P4HA1: variants seen among roughly 807,000 people sequenced by gnomAD.
P4HA1 encodes prolyl 4-hydroxylase subunit alpha-1.
In P4HA1, 24 loss-of-function variants were observed where a neutral mutation model predicts 72.8. The observed-to-expected ratio is 0.33, with a 90% CI of 0.24 to 0.46. The LOEUF (loss-of-function observed/expected upper bound fraction) is 0.46, where lower values mean the gene tolerates loss of function less well. Ranked by LOEUF, P4HA1 falls within the 20% of genes least tolerant of loss-of-function variation. P4HA1 has a pLI of 1.00. For synonymous variants in P4HA1, 201 were observed against 218.8 expected, an observed-to-expected ratio of 0.92 and a Z score of 0.72; for missense variants, 446 against 640.6, an observed-to-expected ratio of 0.70 and a Z score of 3.28.
At chr10:73,045,161 A>G in intron 8 of P4HA1, 110 bp from the exon 9 acceptor site, 3 of 800,042 alleles carry the variant, frequency 3.7e-6, no homozygotes, top group Non-Finnish European at 6.2e-6. Flanking sequence ...AAAAGAGAAA[A>G]TAACTCCATA....
intron 5 of P4HA1, among the ~76,000 whole-genome samples, chr10:73,067,082 G>A (rs1445852658): frequency 1.3e-5 from 2 of 152,020 alleles, no homozygotes; most frequent in East Asian, 1.9e-4. Flanking sequence ...TGCCCAGGCT[G>A]GTCTTGAACT....
At chr10:73,070,045 A>G (rs1841517302) in intron 4 of P4HA1, among the ~76,000 whole-genome samples, 2 of 151,368 alleles carry the variant, frequency 1.3e-5, no homozygotes, top group African/African-American at 4.9e-5. Context: ...CCTGGTCTCA[A>G]ACGATCCACC....
intron 1 of P4HA1, among the ~76,000 whole-genome samples, chr10:73,088,988 T>C (rs1042841207): frequency 2.6e-5 from 4 of 152,250 alleles, no homozygotes; most frequent in Non-Finnish European, 5.9e-5. Context: ...TGGTTTTCCA[T>C]ATTAATTTTA....
At chr10:73,077,454 A>T (rs1841725093) in intron 1 of P4HA1, among the ~76,000 whole-genome samples, 1 of 152,256 alleles carries the variant, frequency 6.6e-6, no homozygotes, top group Non-Finnish European at 1.5e-5. Context: ...ATAACTAAAA[A>T]GCAGCTTAAG....
intron 1 of P4HA1, among the ~76,000 whole-genome samples, chr10:73,090,178 C>A (rs1247714091): frequency 6.6e-6 from 1 of 151,464 alleles, no homozygotes; most frequent in Non-Finnish European, 1.5e-5. Flanking sequence ...GGTCACCAGG[C>A]TGGAGTACAG....
chr10:73,053,645 T>C, intron 5 of P4HA1, 55 bp from the exon 6 acceptor site: 5 of 1,479,232 alleles, frequency 3.4e-6, no homozygotes, highest in Non-Finnish European at 4.6e-6. Flanking sequence ...TGTGTATTTA[T>C]TTAGGACTAC....
chr10:73,049,128 A>AAAAAAAAG (rs144626644), intron 7 of P4HA1, among the ~76,000 whole-genome samples: 23 of 151,064 alleles, frequency 1.5e-4, no homozygotes, highest in South Asian at 1.3e-3. Context: ...GAGAAAAAAA[A>AAAAAAAAG]AAGAAAATAA....
At chr10:73,036,411 T>A (rs1229484570) in intron 9 of P4HA1, among the ~76,000 whole-genome samples, 3 of 152,070 alleles carry the variant, frequency 2.0e-5, no homozygotes, top group Non-Finnish European at 4.4e-5. Flanking sequence ...CTCCCTTTTT[T>A]TTTGAGATGG....
chr10:73,024,294 C>A (rs1227173054), intron 10 of P4HA1, among the ~76,000 whole-genome samples: 18 of 152,224 alleles, frequency 1.2e-4, no homozygotes, highest in Admixed American at 1.2e-3. Flanking sequence ...CAAACTGTCT[C>A]TCAGACCACA....
rs1839830154 is a variant in P4HA1 at position 73,007,971 on chromosome 10, C to G, written c.*251G>C. 4.3e-6 allele frequency: 1 copy of G among 230,918 alleles called. No homozygotes were observed. Among genetic ancestry groups the G allele is most frequent in the African/African-American group, 9.0e-5 (1 of 11,140 alleles). The allele number at this position is 230,918 out of a possible 1,614,324, so 14.3% of individuals were successfully genotyped here. On this transcript the variant is annotated 3_prime_UTR_variant, in exon 15 of 15. Transcript: ENST00000394890. ...AGTTCTTTAAATATAAAATTCCTCA[C>G]TTTAAACTCTGCCTTGTCTTCTGTG...
rs1239708898 is a variant in P4HA1, at chr10:73,014,280, G to A, written c.1312C>T (p.Pro438Ser). 1.9e-6 allele frequency: 3 copies of A among 1,611,526 alleles called. No homozygotes were observed. Among genetic ancestry groups the A allele is most frequent in the East Asian group, 2.2e-5 (1 of 44,842 alleles). The part of the protein sequence containing the change: ...PHFDFARKDE[P>S]DAFKELGTGN... ...GTCCCCAGCTCTTTGAAAGCATCTG[G>A]CTCATCTTTCTGTGAATAAAAACAC... Residue 438 changes from proline (P) to serine (S), a missense_variant, in exon 12 of 15, where the codon CCA becomes TCA. Transcript: ENST00000394890.
intron 9 of P4HA1, among the ~76,000 whole-genome samples, chr10:73,031,655 T>C (rs929439512): frequency 1.3e-5 from 2 of 152,022 alleles, no homozygotes; most frequent in South Asian, 2.1e-4. Context: ...CTGGGGGGAA[T>C]GGGAAATGAC....
Position 73,008,067 on chromosome 10 carries a change from A to C in P4HA1, c.*155T>G, listed in dbSNP as rs1453294504. 6.8e-6 allele frequency: 3 copies of C among 440,982 alleles called. No homozygotes were observed. The highest frequency in any genetic ancestry group is 2.4e-5 in the African/African-American group (1 of 41,270). The allele number at this position is 440,982 out of a possible 1,614,324, so 27.3% of individuals were successfully genotyped here. On this transcript the variant is annotated 3_prime_UTR_variant, in exon 15 of 15. Transcript: ENST00000394890. ...TTACTTTTAAAAGAACCCACAAAGT[A>C]AGCAATTGTCCACAGATGAAACATG...
chr10:73,022,535 G>A (rs901582773), intron 10 of P4HA1, among the ~76,000 whole-genome samples: 2 of 152,138 alleles, frequency 1.3e-5, no homozygotes, highest in African/African-American at 4.8e-5. Flanking sequence ...ACAAAGATGG[G>A]GAGAAACCAG....
Position 73,008,149 on chromosome 10 carries a change from A to G in P4HA1, c.*73T>C. On this transcript the variant is annotated 3_prime_UTR_variant, in exon 15 of 15. Coordinates refer to ENST00000394890, the MANE Select transcript of P4HA1 (RefSeq NM_001017962.3). The stretch of plus-strand genomic sequence containing the variant: ...GTGTTAGTCAATTGTAAACTCCTGA[A>G]AGTTAAGACTAGGAAATGTGTATAT... 1 of 894,442 alleles carries G rather than the reference A, an allele frequency of 1.1e-6. No homozygotes were observed. Among genetic ancestry groups the G allele is most frequent in the Non-Finnish European group, 1.8e-6 (1 of 545,092 alleles). The allele number at this position is 894,442 out of a possible 1,614,324, so 55.4% of individuals were successfully genotyped here.
intron 10 of P4HA1, among the ~76,000 whole-genome samples, chr10:73,017,961 TG>T (rs1370458169): frequency 1.3e-5 from 2 of 151,260 alleles, no homozygotes; most frequent in Admixed American, 1.3e-4. Context: ...CTGGTGGAAC[TG>T]GAACTGCTGG....
Position 73,007,299 on chromosome 10 carries a change from GCTTT to G in P4HA1, c.*919_*922del, listed in dbSNP as rs1315199136. On this transcript the variant is annotated 3_prime_UTR_variant, in exon 15 of 15. Coordinates refer to ENST00000394890, the MANE Select transcript of P4HA1 (RefSeq NM_001017962.3). Reference sequence around the variant, plus strand: ...GAATCTTAAAAAAACAAACATTTTGGCTTTCTAAGAAAAAGACTTTTAAAAAAAA... The same window carrying G: ...GAATCTTAAAAAAACAAACATTTTGGCTAAGAAAAAGACTTTTAAAAAAAA... The G allele has an allele frequency of 1.3e-5, 2 of 152,382 alleles. No individual in the cohort carries two copies. Among genetic ancestry groups the G allele is most frequent in the Non-Finnish European group, 2.9e-5 (2 of 67,994 alleles). 9.4% of individuals were successfully genotyped at this position (152,382 alleles called of 1,614,324 possible).
At chr10:73,067,376 A>C (rs1841450127) in intron 5 of P4HA1, among the ~76,000 whole-genome samples, 1 of 152,084 alleles carries the variant, frequency 6.6e-6, no homozygotes, top group Admixed American at 6.6e-5. Flanking sequence ...GGTTTTCTAA[A>C]AGGAAAAATC....
At chr10:73,094,744 G>A (rs1312099128) in intron 1 of P4HA1, among the ~76,000 whole-genome samples, 1 of 152,138 alleles carries the variant, frequency 6.6e-6, no homozygotes, top group African/African-American at 2.4e-5. Context: ...AATAGAAAAG[G>A]TTAACAGCTC....
Sources: gnomAD v4.1 joint callset for allele counts (sites outside exome capture counted in the v4.1 genomes callset) on GRCh38, gnomAD v4.1.1 for gene constraint, MANE v1.5 for transcripts, NCBI Gene and HGNC (gene_info 2026-07-23, HGNC 2026-07-21) for gene names.